The following TNR variants were observed in gnomAD, a reference collection of about 807,000 sequenced individuals.
TNR encodes the protein tenascin R, also known as tenascin-R.
Under a neutral mutation model 150.4 loss-of-function variants are expected in TNR, and 45 were observed. That is an observed-to-expected ratio of 0.30 (90% CI 0.24 to 0.38). The LOEUF (loss-of-function observed/expected upper bound fraction) is 0.38. Ranked by LOEUF, TNR falls within the 10% of genes least tolerant of loss-of-function variation. TNR has a pLI of 1.00. For missense variants in TNR, 1,544 were observed against 1,759.1 expected (o/e 0.88, Z 2.19); for synonymous variants, 687 against 678.4 (o/e 1.01, Z -0.20).
intron 1 of TNR, among the ~76,000 whole-genome samples, chr1:175,655,876 T>C (rs1216377884): frequency 1.3e-5 from 2 of 152,150 alleles, no homozygotes; most frequent in Non-Finnish European, 2.9e-5. Flanking sequence ...AGGAGTCTCC[T>C]TGGGGATAGA....
intron 2 of TNR, among the ~76,000 whole-genome samples, chr1:175,426,968 T>TTA (rs1335181026): frequency 7.2e-6 from 1 of 138,192 alleles, no homozygotes; most frequent in Non-Finnish European, 1.5e-5. Flanking sequence ...ATAAAATATA[T>TTA]TATATATATA....
intron 1 of TNR, among the ~76,000 whole-genome samples, chr1:175,569,218 A>G (rs1012209994): frequency 2.6e-5 from 4 of 152,208 alleles, no homozygotes; most frequent in Non-Finnish European, 5.9e-5. Context: ...TTAGAGGCAC[A>G]TGAGTTGAAC....
At chr1:175,676,415 C>T in intron 1 of TNR, among the ~76,000 whole-genome samples, 1 of 152,170 alleles carries the variant, frequency 6.6e-6, no homozygotes, top group East Asian at 1.9e-4. Flanking sequence ...ACTGTCCCTC[C>T]AGAGAAAGGC....
At chr1:175,485,197 C>T (rs886929487) in intron 2 of TNR, among the ~76,000 whole-genome samples, 1 of 152,144 alleles carries the variant, frequency 6.6e-6, no homozygotes, top group Non-Finnish European at 1.5e-5. Flanking sequence ...CCTTCAGCCC[C>T]AGTCTGCTGG....
chr1:175,656,064 G>A (rs1665162640), intron 1 of TNR, among the ~76,000 whole-genome samples: 1 of 151,844 alleles, frequency 6.6e-6, no homozygotes, highest in Non-Finnish European at 1.5e-5. Context: ...GAAGCACCAA[G>A]CCACAAGGCT....
chr1:175,402,374 T>C (rs1653753815), intron 4 of TNR, among the ~76,000 whole-genome samples: 1 of 151,756 alleles, frequency 6.6e-6, no homozygotes, highest in South Asian at 2.1e-4. Context: ...TTTTTTTTTT[T>C]TCTCACTGTT....
At chr1:175,415,556 G>A (rs7415785) in intron 2 of TNR, among the ~76,000 whole-genome samples, 2 of 152,228 alleles carry the variant, frequency 1.3e-5, no homozygotes, top group African/African-American at 2.4e-5. Context: ...GAATCTGCAG[G>A]AAGGGTCTTT....
chr1:175,325,618 C>G (rs2101979550), intron 21 of TNR, among the ~76,000 whole-genome samples: 2 of 152,214 alleles, frequency 1.3e-5, no homozygotes, highest in Middle Eastern at 6.8e-3. Context: ...GGAACCAACC[C>G]AAATGTCCAT....
intron 2 of TNR, among the ~76,000 whole-genome samples, chr1:175,480,419 A>AGAAGAAAGAAAGAAAG (rs373622666): frequency 9.0e-6 from 1 of 110,936 alleles, no homozygotes; most frequent in Admixed American, 1.1e-4. Flanking sequence ...AAAGAAAGAA[A>AGAAGAAAGAAAGAAAG]AAAGAAAGAA....
chr1:175,455,462 A>T (rs1656531242), intron 2 of TNR, among the ~76,000 whole-genome samples: 1 of 152,256 alleles, frequency 6.6e-6, no homozygotes, highest in African/African-American at 2.4e-5. Flanking sequence ...TTCAAAAGAA[A>T]GATCCTTGCT....
At chr1:175,610,714 T>C (rs1311783279) in intron 1 of TNR, among the ~76,000 whole-genome samples, 1 of 152,244 alleles carries the variant, frequency 6.6e-6, no homozygotes, top group Non-Finnish European at 1.5e-5. Flanking sequence ...AGTCCCACTA[T>C]TGCAATAGCT....
rs1386010262 is a variant in TNR, at chr1:175,317,256, G to T, written c.*6101C>A. 1 of 152,174 alleles carries T rather than the reference G, an allele frequency of 6.6e-6. No homozygotes were observed. The highest frequency in any genetic ancestry group is 2.4e-5 in the African/African-American group (1 of 41,448). 9.4% of individuals were successfully genotyped at this position (152,174 alleles called of 1,614,324 possible). A position where few individuals can be genotyped will look rare whatever the true frequency, so the allele number is the denominator to read the frequency against. ...GAATCAAATTAAAAAGCCTATACCA[G>T]ACCCGAACTCAGCTCTGTTACTAAT... On this transcript the variant is annotated 3_prime_UTR_variant, in exon 23 of 23. Transcript: ENST00000367674.
At chr1:175,502,996 C>A (rs1437556983) in intron 2 of TNR, among the ~76,000 whole-genome samples, 1 of 148,020 alleles carries the variant, frequency 6.8e-6, no homozygotes, top group African/African-American at 2.7e-5. Flanking sequence ...GACACAGGAT[C>A]TTGAAATGTG....
chr1:175,497,471 A>G (rs1658536546), intron 2 of TNR, among the ~76,000 whole-genome samples: 5 of 152,248 alleles, frequency 3.3e-5, no homozygotes, highest in African/African-American at 9.6e-5. Context: ...CCAATTGTGC[A>G]TTCTCTTGGA....
At chr1:175,552,124 G>A (rs1355049873) in intron 1 of TNR, among the ~76,000 whole-genome samples, 2 of 152,188 alleles carry the variant, frequency 1.3e-5, no homozygotes, top group Non-Finnish European at 2.9e-5. Context: ...TTTTATGTGT[G>A]AAAAATCTTA....
chr1:175,610,217 C>T (rs1265406479), intron 1 of TNR, among the ~76,000 whole-genome samples: 3 of 152,236 alleles, frequency 2.0e-5, no homozygotes, highest in Middle Eastern at 3.4e-3. Context: ...TTACCTAAGA[C>T]ACATGATCCT....
At chr1:175,510,467 C>T (rs1177605542) in intron 2 of TNR, among the ~76,000 whole-genome samples, 1 of 152,166 alleles carries the variant, frequency 6.6e-6, no homozygotes, top group Non-Finnish European at 1.5e-5. Flanking sequence ...CCCGTGTCCC[C>T]CATGGCCTTT....
At chr1:175,365,727 C>T in intron 11 of TNR, 148 bp downstream of exon 11, 3 of 1,195,464 alleles carry the variant, frequency 2.5e-6, no homozygotes, top group Admixed American at 2.4e-5. Context: ...TCTTGATGCA[C>T]TTATTAGTTT....
intron 7 of TNR, among the ~76,000 whole-genome samples, chr1:175,389,096 G>T (rs1653058296): frequency 6.6e-6 from 1 of 152,166 alleles, no homozygotes; most frequent in South Asian, 2.1e-4. Context: ...ATCAGAAGAG[G>T]AGAAGCTGCA....
Sources: gnomAD v4.1 joint callset for allele counts (sites outside exome capture counted in the v4.1 genomes callset) on GRCh38, gnomAD v4.1.1 for gene constraint, MANE v1.5 for transcripts, NCBI Gene and HGNC (gene_info 2026-07-23, HGNC 2026-07-21) for gene names.